IQCM: variants seen among roughly 807,000 people sequenced by gnomAD.
The protein encoded by IQCM is IQ domain-containing protein M.
A neutral mutation model predicts 57.6 loss-of-function variants in IQCM; 45 were observed. The ratio of observed to expected loss-of-function variants is 0.78; its 90% CI spans 0.62 to 1.00. IQCM has a LOEUF of 1.00. Ranked by LOEUF, IQCM falls within the 50% of genes least tolerant of loss-of-function variation. The pLI is 0.00. For synonymous variants in IQCM, 148 were observed against 158.9 expected, an observed-to-expected ratio of 0.93 and a Z score of 0.51; for missense variants, 468 against 511.6, an observed-to-expected ratio of 0.91 and a Z score of 0.82.
chr4:149,471,051 T>G (rs1579172267), intron 12 of IQCM, among the ~76,000 whole-genome samples: 2 of 152,020 alleles, frequency 1.3e-5, no homozygotes, highest in South Asian at 2.1e-4. Flanking sequence ...ACATCACAAT[T>G]AAAAGAACTG....
chr4:149,646,912 G>T (rs1204484838), intron 7 of IQCM, among the ~76,000 whole-genome samples: 1 of 152,076 alleles, frequency 6.6e-6, no homozygotes, highest in African/African-American at 2.4e-5. Flanking sequence ...TGAACCTAGG[G>T]GGTAGAGGTT....
Position 149,686,454 on chromosome 4 carries a change from C to A in IQCM, c.400G>T (p.Asp134Tyr). The A allele has an allele frequency of 8.2e-7, 1 of 1,223,998 alleles. No homozygotes were observed. Among genetic ancestry groups the A allele is most frequent in the Non-Finnish European group, 1.0e-6 (1 of 981,136 alleles). The allele number at this position is 1,223,998 out of a possible 1,614,324, so 75.8% of individuals were successfully genotyped here. ...DLITKGQVKL[D>Y]KIMTIIEPVS... ...GGTTCAATAATAGTCATGATTTTATCCAATTTAACTTGTCCTGAAATTTTG... is the reference window on the plus strand; with the variant it reads ...GGTTCAATAATAGTCATGATTTTATACAATTTAACTTGTCCTGAAATTTTG... The change falls in exon 6 of 14, where the codon GAT becomes TAT. Residue 134 changes from aspartate to tyrosine, a missense_variant. Transcript: ENST00000636793.
chr4:149,698,408 G>A (rs1438596401), intron 5 of IQCM, among the ~76,000 whole-genome samples: 1 of 152,048 alleles, frequency 6.6e-6, no homozygotes. Flanking sequence ...AATGTTTGCT[G>A]AATAAATGAA....
intron 12 of IQCM, among the ~76,000 whole-genome samples, chr4:149,487,613 G>T (rs1257570210): frequency 6.6e-6 from 1 of 152,130 alleles, no homozygotes; most frequent in Non-Finnish European, 1.5e-5. Context: ...ACTGACCACT[G>T]GGATGGGCTA....
chr4:149,601,990 C>T (rs1307742556), intron 8 of IQCM, among the ~76,000 whole-genome samples: 1 of 140,506 alleles, frequency 7.1e-6, no homozygotes, highest in African/African-American at 2.7e-5. Flanking sequence ...GGAGGCGGAG[C>T]TTACAGTGAG....
chr4:149,427,897 C>T (rs1734570748), intron 13 of IQCM, among the ~76,000 whole-genome samples: 1 of 151,824 alleles, frequency 6.6e-6, no homozygotes. Flanking sequence ...AACAACTTTT[C>T]AAGTCCTATT....
At chr4:149,721,101 T>C (rs926812318) in intron 5 of IQCM, among the ~76,000 whole-genome samples, 1 of 152,082 alleles carries the variant, frequency 6.6e-6, no homozygotes, top group African/African-American at 2.4e-5. Context: ...ATTCAACTAA[T>C]GGCAGGTTGA....
At chr4:149,354,136 G>A (rs11940286) in intron 13 of IQCM, among the ~76,000 whole-genome samples, 15,169 of 151,168 alleles carry the variant, frequency 0.1, 1,266 homozygotes, top group African/African-American at 0.23. Context: ...AGGCCGAGGC[G>A]GGTGGATCAC....
At chr4:149,523,922 A>C (rs1745909953) in intron 12 of IQCM, among the ~76,000 whole-genome samples, 1 of 152,180 alleles carries the variant, frequency 6.6e-6, no homozygotes, top group Admixed American at 6.5e-5. Flanking sequence ...AGTGGGTGGA[A>C]ATAGTAACTT....
chr4:149,447,842 T>A (rs1262740484), intron 12 of IQCM, among the ~76,000 whole-genome samples: 3 of 151,620 alleles, frequency 2.0e-5, no homozygotes, highest in African/African-American at 7.3e-5. Context: ...ATAATCAAAC[T>A]GTATAAAACT....
intron 12 of IQCM, among the ~76,000 whole-genome samples, chr4:149,478,673 T>C (rs544229651): frequency 6.6e-6 from 1 of 152,114 alleles, no homozygotes; most frequent in Non-Finnish European, 1.5e-5. Flanking sequence ...AATAGCACTG[T>C]AGCCTTAAGC....
At chr4:149,381,159 G>A (rs1731051217) in intron 13 of IQCM, among the ~76,000 whole-genome samples, 1 of 152,060 alleles carries the variant, frequency 6.6e-6, no homozygotes, top group African/African-American at 2.4e-5. Context: ...AGCACGTCCT[G>A]CTGACTCTAT....
intron 2 of IQCM, among the ~76,000 whole-genome samples, chr4:149,765,027 C>T (rs771038545): frequency 1.3e-5 from 2 of 151,984 alleles, no homozygotes; most frequent in Non-Finnish European, 2.9e-5. Flanking sequence ...GTTGACAGCG[C>T]TAGACATAGA....
At chr4:149,511,527 C>CTAAA (rs3056265) in intron 12 of IQCM, among the ~76,000 whole-genome samples, 117 of 141,882 alleles carry the variant, frequency 8.2e-4, no homozygotes, top group South Asian at 1.4e-3. Context: ...GACCCTGTCT[C>CTAAA]TAAATAAATA....
chr4:149,591,724 T>C (rs1477115922), intron 8 of IQCM, among the ~76,000 whole-genome samples: 1 of 152,142 alleles, frequency 6.6e-6, no homozygotes, highest in African/African-American at 2.4e-5. Context: ...ATCCTTGCGA[T>C]AGTTTGCTGA....
chr4:149,497,747 TA>T (rs531108794), intron 12 of IQCM, among the ~76,000 whole-genome samples: 253 of 95,796 alleles, frequency 2.6e-3, no homozygotes, highest in Middle Eastern at 5.2e-3. Context: ...TATTTCACTT[TA>T]AAAAAAAAAA....
intron 2 of IQCM, among the ~76,000 whole-genome samples, chr4:149,806,676 A>G (rs1043402532): frequency 5.3e-5 from 8 of 151,994 alleles, no homozygotes; most frequent in Non-Finnish European, 1.0e-4. Flanking sequence ...GAAATTTTTA[A>G]TAAAAGTCAT....
At position 149,684,269 on chromosome 4, in the gene IQCM, C is replaced by A. The variant is rs1263142468; in HGVS notation, c.477-2063G>T. 3.3e-5 allele frequency among the ~76,000 whole-genome samples: 5 copies of A among 151,144 alleles called. No individual in the cohort carries two copies. The East Asian group carries it at 7.8e-4, about 23-fold the overall frequency. On this transcript the variant is annotated intron_variant, in intron 6 of 13. Coordinates refer to ENST00000636793, the MANE Select transcript of IQCM (RefSeq NM_001363507.2). ...AACAGTATTCAATTGTGTTTTCCCA[C>A]CACAGGTCAAAAATAGACAAGTTTA...
Position 149,733,264 on chromosome 4 carries a change from G to T in IQCM, c.365C>A (p.Pro122His). The T allele has an allele frequency of 8.1e-7, 1 of 1,231,618 alleles. No individual in the cohort carries two copies. The highest frequency in any genetic ancestry group is 1.0e-6 in the Non-Finnish European group (1 of 987,660). The allele number at this position is 1,231,618 out of a possible 1,614,324, so 76.3% of individuals were successfully genotyped here. The change falls in exon 5 of 14, where the codon CCC becomes CAC. Residue 122 changes from proline to histidine, a missense_variant. Pro to His is a moderately conservative substitution (Grantham distance 77, BLOSUM62 -2). Transcript: ENST00000636793. ...HIFSRRERCRPIDLITKGQVK... is the reference protein window; with the variant it reads ...HIFSRRERCRHIDLITKGQVK... The stretch of plus-strand genomic sequence containing the variant: ...CTTACCTTTTGTAATTAGATCTATG[G>T]GCCTGCATCTTTCTCTTCTACTAAA...
Sources: allele counts gnomAD v4.1 joint callset (sites outside exome capture counted in the v4.1 genomes callset), GRCh38; gene constraint gnomAD v4.1.1; transcripts MANE v1.5; gene names NCBI Gene and HGNC (gene_info 2026-07-23, HGNC 2026-07-21).